The following PCNT variants were observed in gnomAD, a reference collection of about 807,000 sequenced individuals.
PCNT encodes pericentrin.
In PCNT, 319 loss-of-function variants were observed where a neutral mutation model predicts 380.4. That is an observed-to-expected ratio of 0.84 (90% CI 0.77 to 0.92). PCNT has a LOEUF of 0.92. Ranked by LOEUF, PCNT falls within the 40% of genes least tolerant of loss-of-function variation. The pLI is 0.00. For synonymous variants in PCNT, 1,845 were observed against 1,735.2 expected (o/e 1.06, Z -1.57); for missense variants, 4,400 against 4,255.3 (o/e 1.03, Z -0.95).
intron 27 of PCNT, among the ~76,000 whole-genome samples, chr21:46,403,578 G>A (rs535807150): frequency 8.0e-6 from 1 of 124,732 alleles, no homozygotes; most frequent in South Asian, 2.9e-4. Context: ...TGCCCACGTG[G>A]CACATGCTCG....
In PCNT at chr21:46,354,794, G is replaced by A. The variant is rs150312083; in HGVS notation, c.1762-658G>A. Among the ~76,000 whole-genome samples the A allele has an allele frequency of 5.9e-3, 896 of 152,304 alleles. 8 individuals are homozygous for A. Among genetic ancestry groups the A allele is most frequent in the Middle Eastern group, 0.017 (5 of 294 alleles). ...CAGGGTGTCCAGGCAGGGTGGCAGC[G>A]GGCTGTGTGCCAGTTTGAGTTCCCT... On this transcript the variant is annotated intron_variant, in intron 11 of 46. Transcript: ENST00000359568.
At chr21:46,369,266 G>T (rs1302305566) in intron 15 of PCNT, among the ~76,000 whole-genome samples, 1 of 152,212 alleles carries the variant, frequency 6.6e-6, no homozygotes, top group Non-Finnish European at 1.5e-5. Flanking sequence ...AAAAGACAGG[G>T]TCTCCCTGTG....
chr21:46,367,631 T>C (rs919695745), intron 15 of PCNT, among the ~76,000 whole-genome samples: 1 of 151,912 alleles, frequency 6.6e-6, no homozygotes, highest in African/African-American at 2.4e-5. Flanking sequence ...AAACACTGAG[T>C]TGAAGGGTTA....
rs1161729226 is a variant in PCNT at position 46,436,966 on chromosome 21, T to C, written c.8997-13T>C. On this transcript the variant is annotated splice_polypyrimidine_tract_variant and intron_variant, in intron 39 of 46. Transcript: ENST00000359568. ...GCGCGTATGCAACTTTGAGTGCCCA[T>C]TTATTTTTACAGGACAGTTAATGAT... 2 of 1,602,092 alleles carry C rather than the reference T, an allele frequency of 1.2e-6. No individual in the cohort carries two copies. Among genetic ancestry groups the C allele is most frequent in the South Asian group, 2.2e-5 (2 of 90,888 alleles).
intron 7 of PCNT, 68 bp from the exon 8 acceptor site, chr21:46,349,616 T>C: frequency 1.3e-6 from 2 of 1,536,562 alleles, no homozygotes; most frequent in South Asian, 1.1e-5. Context: ...GCACCATTAT[T>C]GTCACTGAGG....
At chr21:46,352,906 C>A (rs935758335) in intron 9 of PCNT, among the ~76,000 whole-genome samples, 198 bp from the exon 10 acceptor site, 2 of 152,168 alleles carry the variant, frequency 1.3e-5, no homozygotes, top group Admixed American at 6.5e-5. Flanking sequence ...GTGGCTCTTG[C>A]CACCGCTTGG....
intron 17 of PCNT, among the ~76,000 whole-genome samples, chr21:46,387,277 G>A (rs1042986345): frequency 6.6e-6 from 1 of 152,194 alleles, no homozygotes; most frequent in Non-Finnish European, 1.5e-5. Context: ...TGATTTTTCT[G>A]TGAGGACCTT....
At chr21:46,380,287 G>A (rs531587086) in intron 15 of PCNT, among the ~76,000 whole-genome samples, 2 of 149,110 alleles carry the variant, frequency 1.3e-5, no homozygotes, top group East Asian at 2.0e-4. Context: ...TCAGACTCCC[G>A]AGTAGGTGGG....
At chr21:46,395,708 G>C (rs1471709900) in intron 21 of PCNT, among the ~76,000 whole-genome samples, 4 of 150,876 alleles carry the variant, frequency 2.7e-5, no homozygotes, top group African/African-American at 9.8e-5. Flanking sequence ...AGAAATAATA[G>C]TAATAAAATA....
At position 46,427,769 on chromosome 21, in the gene PCNT, A is replaced by T. The variant is rs2087570462; in HGVS notation, c.7468A>T (p.Arg2490Trp). The change falls in exon 34 of 47, where the codon AGG becomes TGG. Residue 2490 changes from arginine (R) to tryptophan (W), a missense_variant. By Grantham distance (101) the Arg-to-Trp change is moderately radical (BLOSUM62 -3). Coordinates refer to ENST00000359568, the MANE Select transcript of PCNT (RefSeq NM_006031.6). ...DLGGHSSLLE[R>W]LEKIIREQGD... is the part of the protein sequence containing the mutation. ...GGGGGGTCACAGCTCCCTGCTCGAA[A>T]GGCTGGAGAAGATCATCCGTGAGCA... 1.2e-6 allele frequency: 2 copies of T among 1,613,542 alleles called. No individual in the cohort carries two copies. Among genetic ancestry groups the T allele is most frequent in the Admixed American group, 1.7e-5 (1 of 59,996 alleles).
intron 29 of PCNT, among the ~76,000 whole-genome samples, chr21:46,413,694 T>C (rs1320900491): frequency 6.6e-6 from 1 of 152,256 alleles, no homozygotes; most frequent in Non-Finnish European, 1.5e-5. Context: ...CTCAGGACTT[T>C]GATGGCCAGC....
intron 3 of PCNT, among the ~76,000 whole-genome samples, chr21:46,335,398 A>T (rs535393185): frequency 3.9e-5 from 6 of 152,306 alleles, no homozygotes; most frequent in South Asian, 2.1e-4. Flanking sequence ...GTGTTATGTT[A>T]AAAGCATATA....
intron 37 of PCNT, 162 bp downstream of exon 37, chr21:46,430,819 C>T: frequency 1.0e-6 from 1 of 985,462 alleles, no homozygotes; most frequent in South Asian, 4.7e-5. Context: ...GGTAAAATTG[C>T]ACCTTGGTGT....
Position 46,353,189 on chromosome 21 carries a change from C to G in PCNT, c.1542C>G (p.Ser514=), listed in dbSNP as rs2249057. Residue 514 remains serine (S), a synonymous_variant, in exon 10 of 47, where the codon TCC becomes TCG. Transcript: ENST00000359568. ...AGCGAGAAAAAACCCAGCATGAGTC[C>G]GAACTGGAGCAACTGAGGATTTATT... The part of the protein sequence containing the change: ...LKQREKTQHE[S]ELEQLRIYFE... 14 of 1,613,790 alleles carry G rather than the reference C, an allele frequency of 8.7e-6. No individual in the cohort carries two copies. The highest frequency in any genetic ancestry group is 2.2e-5 in the East Asian group (1 of 44,890).
chr21:46,383,843 C>T (rs1302319425), intron 16 of PCNT, among the ~76,000 whole-genome samples: 2 of 143,460 alleles, frequency 1.4e-5, no homozygotes, highest in African/African-American at 5.1e-5. Context: ...GAAGCGCATT[C>T]ACCATGTTGT....
In PCNT at chr21:46,401,668, C is replaced by T; in HGVS notation, c.4909C>T (p.Pro1637Ser). ...TCCTTCGGGCAGCCCTCCTGAGGGT[C>T]CAGAAATACAGTTAGAGGTGACACA... ...EPPSGSPPEG[P>S]EIQLEVTQRA... The change falls in exon 26 of 47, where the codon CCA (proline) becomes TCA (serine). Residue 1637 changes from proline to serine, a missense_variant. Physicochemically the swap from Pro to Ser is moderately conservative, Grantham distance 74. Coordinates refer to ENST00000359568, the MANE Select transcript of PCNT (RefSeq NM_006031.6). 6.2e-7 allele frequency: 1 copy of T among 1,613,872 alleles called. No individual in the cohort carries two copies. The highest frequency in any genetic ancestry group is 1.1e-5 in the South Asian group (1 of 91,054).
At chr21:46,364,888 A>T (rs1340381750) in intron 14 of PCNT, among the ~76,000 whole-genome samples, 1 of 152,246 alleles carries the variant, frequency 6.6e-6, no homozygotes, top group East Asian at 1.9e-4. Flanking sequence ...GAGCTGAACC[A>T]AGGAGGCCCT....
intron 6 of PCNT, 120 bp downstream of exon 6, chr21:46,347,632 A>C (rs1183339329): frequency 1.1e-6 from 1 of 890,406 alleles, no homozygotes; most frequent in African/African-American, 1.6e-5. Context: ...GCTTTATTAG[A>C]ATATGCTGGT....
chr21:46,366,008 A>G (rs916533738), intron 14 of PCNT, among the ~76,000 whole-genome samples: 4 of 149,128 alleles, frequency 2.7e-5, no homozygotes, highest in Admixed American at 1.3e-4. Context: ...GGTTCTGTTC[A>G]CTGCCGTGGG....
Sources: gnomAD v4.1 joint callset for allele counts (sites outside exome capture counted in the v4.1 genomes callset) on GRCh38, gnomAD v4.1.1 for gene constraint, MANE v1.5 for transcripts, NCBI Gene and HGNC (gene_info 2026-07-23, HGNC 2026-07-21) for gene names.